The following PLD1 variants were observed in gnomAD, a reference collection of about 807,000 sequenced individuals.
PLD1 encodes choline phosphatase 1.
A neutral mutation model predicts 137.1 loss-of-function variants in PLD1; 112 were observed. That is an observed-to-expected ratio of 0.82 (90% CI 0.70 to 0.96). The LOEUF (loss-of-function observed/expected upper bound fraction) is 0.96, where lower values mean the gene tolerates loss of function less well. Ranked by LOEUF, PLD1 falls within the 40% of genes least tolerant of loss-of-function variation. PLD1 has a pLI of 0.00. For missense variants in PLD1, 1,321 were observed against 1,342.0 expected (o/e 0.98, Z 0.24); for synonymous variants, 431 against 454.7 (o/e 0.95, Z 0.66).
chr3:171,671,158 G>A (rs530734173), intron 19 of PLD1, among the ~76,000 whole-genome samples: 16 of 152,300 alleles, frequency 1.1e-4, no homozygotes, highest in South Asian at 2.1e-4. Context: ...ATTTGTTAGC[G>A]TGAAAATGCA....
intron 26 of PLD1, among the ~76,000 whole-genome samples, chr3:171,605,080 G>T (rs1329240821): frequency 6.6e-6 from 1 of 152,182 alleles, no homozygotes; most frequent in Non-Finnish European, 1.5e-5. Flanking sequence ...AGGAGAGACT[G>T]GAATGCTGCT....
rs189252648 is a variant in PLD1 at position 171,755,037 on chromosome 3, C to T, written c.-31-16955G>A. 2.7e-3 allele frequency among the ~76,000 whole-genome samples: 410 copies of T among 152,080 alleles called. 4 individuals carry two copies. The highest frequency in any genetic ancestry group is 5.0e-3 in the Admixed American group (76 of 15,274). On this transcript the variant is annotated intron_variant, in intron 1 of 26. Transcript: ENST00000351298. ...AGTCCATCTCTGACTCTTCATTTGC[C>T]CAAAAATCTCTGCTTGTATGTCCTT...
intron 23 of PLD1, among the ~76,000 whole-genome samples, chr3:171,622,123 T>A (rs2108299338): frequency 6.6e-6 from 1 of 152,330 alleles, no homozygotes; most frequent in South Asian, 2.1e-4. Context: ...AATTTATAAG[T>A]TTAAGATACA....
At chr3:171,727,793 T>G (rs1718647347) in intron 6 of PLD1, among the ~76,000 whole-genome samples, 1 of 152,202 alleles carries the variant, frequency 6.6e-6, no homozygotes, top group Admixed American at 6.5e-5. Context: ...ATGTAAGTTT[T>G]ATATGTGATT....
chr3:171,614,586 G>C (rs531576632), intron 24 of PLD1, among the ~76,000 whole-genome samples: 2 of 152,248 alleles, frequency 1.3e-5, no homozygotes, highest in East Asian at 3.9e-4. Context: ...CATAGGAACC[G>C]ACCATTTGAT....
chr3:171,698,246 G>A (rs1023647428), intron 12 of PLD1, among the ~76,000 whole-genome samples: 5 of 152,172 alleles, frequency 3.3e-5, no homozygotes, highest in African/African-American at 4.8e-5. Context: ...AGTGATTACC[G>A]TAGAAGCTGG....
chr3:171,802,314 G>A (rs1276692632), intron 1 of PLD1, among the ~76,000 whole-genome samples: 1 of 152,190 alleles, frequency 6.6e-6, no homozygotes, highest in Non-Finnish European at 1.5e-5. Flanking sequence ...ATCCTAGCAT[G>A]AAAATAACCC....
chr3:171,650,762 G>A (rs904617323), intron 21 of PLD1, among the ~76,000 whole-genome samples: 1 of 152,088 alleles, frequency 6.6e-6, no homozygotes, highest in East Asian at 1.9e-4. Context: ...GCCAGGCGTG[G>A]TGGCGGGCGC....
intron 23 of PLD1, among the ~76,000 whole-genome samples, chr3:171,633,423 T>C (rs546780997): frequency 7.9e-5 from 12 of 152,278 alleles, no homozygotes; most frequent in Non-Finnish European, 1.8e-4. Flanking sequence ...GGAGATTTAT[T>C]CAGATCCCAG....
At chr3:171,663,087 C>A (rs1239163793) in intron 19 of PLD1, among the ~76,000 whole-genome samples, 1 of 152,212 alleles carries the variant, frequency 6.6e-6, no homozygotes, top group African/African-American at 2.4e-5. Context: ...TTTCCCATTT[C>A]AAATACCCCA....
intron 21 of PLD1, among the ~76,000 whole-genome samples, chr3:171,655,860 T>C (rs534311491): frequency 1.7e-4 from 26 of 152,322 alleles, no homozygotes; most frequent in African/African-American, 6.3e-4. Context: ...TGTACCATTT[T>C]GAAAATGTGT....
chr3:171,710,685 C>T (rs1220525669), intron 9 of PLD1, among the ~76,000 whole-genome samples: 1 of 152,112 alleles, frequency 6.6e-6, no homozygotes, highest in African/African-American at 2.4e-5. Flanking sequence ...GGCACTTCCC[C>T]TTGTGCTCCC....
chr3:171,790,514 G>A (rs1396296257), intron 1 of PLD1, among the ~76,000 whole-genome samples: 1 of 152,220 alleles, frequency 6.6e-6, no homozygotes, highest in Non-Finnish European at 1.5e-5. Context: ...GCCAGGAGAA[G>A]AGAAGATTGT....
intron 1 of PLD1, among the ~76,000 whole-genome samples, chr3:171,744,483 G>A (rs1720002230): frequency 1.3e-5 from 2 of 152,082 alleles, no homozygotes; most frequent in South Asian, 4.2e-4. Context: ...CTGATCTCAG[G>A]GAGCCCAGAG....
At chr3:171,713,853 A>AT (rs753905573) in intron 9 of PLD1, 40 bp downstream of exon 9, 2 of 1,549,682 alleles carry the variant, frequency 1.3e-6, no homozygotes, top group East Asian at 4.5e-5. Context: ...TTTTTAAGGC[A>AT]TTTTTGTAGA....
rs150046840 is a variant in PLD1 at position 171,621,118 on chromosome 3, A to C, written c.2594-598T>G. Among the ~76,000 whole-genome samples the C allele has an allele frequency of 3.9e-3, 591 of 152,282 alleles. 4 individuals are homozygous for C. The highest frequency in any genetic ancestry group is 0.013 in the African/African-American group (556 of 41,566). On this transcript the variant is annotated intron_variant, in intron 23 of 26. Coordinates refer to ENST00000351298, the MANE Select transcript of PLD1 (RefSeq NM_002662.5). ...ACCACTCCTCCCTTTAGATCATTAAAATTAGGAAACAGAAGAATCCTTACT... is the reference window on the plus strand; with the variant it reads ...ACCACTCCTCCCTTTAGATCATTAACATTAGGAAACAGAAGAATCCTTACT...
intron 17 of PLD1, 49 bp from the exon 18 acceptor site, chr3:171,676,882 G>T: frequency 1.5e-6 from 2 of 1,299,774 alleles, no homozygotes; most frequent in Non-Finnish European, 2.2e-6. Context: ...CAGTGTTGGG[G>T]CAAAGTCTCT....
chr3:171,696,616 A>G (rs1715719402), intron 12 of PLD1, among the ~76,000 whole-genome samples: 1 of 152,212 alleles, frequency 6.6e-6, no homozygotes, highest in Admixed American at 6.5e-5. Context: ...TTATGTTTCA[A>G]CCTCATACTT....
chr3:171,638,269 A>T (rs1450348598), intron 23 of PLD1, among the ~76,000 whole-genome samples: 3 of 151,974 alleles, frequency 2.0e-5, no homozygotes, highest in African/African-American at 7.2e-5. Context: ...TGGTGAATAA[A>T]TGTGAAGGTC....
Sources: gnomAD v4.1 joint callset for allele counts (sites outside exome capture counted in the v4.1 genomes callset) on GRCh38, gnomAD v4.1.1 for gene constraint, MANE v1.5 for transcripts, NCBI Gene and HGNC (gene_info 2026-07-23, HGNC 2026-07-21) for gene names.